PCDHGA3: variants seen among roughly 807,000 people sequenced by gnomAD.
PCDHGA3 encodes the protein protocadherin gamma subfamily A, 3.
PCDHGA3 carries 40 observed loss-of-function variants against 58.5 expected under a neutral mutation model. The ratio of observed to expected loss-of-function variants is 0.68; its 90% CI spans 0.53 to 0.89. The LOEUF (loss-of-function observed/expected upper bound fraction) is 0.89. Ranked by LOEUF, PCDHGA3 falls within the 40% of genes least tolerant of loss-of-function variation. The pLI is 0.00. For synonymous variants in PCDHGA3, 530 were observed against 525.7 expected, an observed-to-expected ratio of 1.01 and a Z score of -0.11; for missense variants, 1,223 against 1,195.9, an observed-to-expected ratio of 1.02 and a Z score of -0.33.
rs1374094845 is a variant in PCDHGA3, at chr5:141,476,576, T to A, written c.2425-18231T>A. On this transcript the variant is annotated intron_variant, in intron 1 of 3. Coordinates refer to ENST00000253812, the MANE Select transcript of PCDHGA3 (RefSeq NM_018916.4). The surrounding 1 kb of genome is among the most constrained non-coding windows in gnomAD (Gnocchi z 7.6). Reference sequence around the variant, plus strand: ...CGAGGCCGTGGCTCCGGGGACGCGCTTTCCGCTCGAGAGCGCGCACGATCC... The same window carrying A: ...CGAGGCCGTGGCTCCGGGGACGCGCATTCCGCTCGAGAGCGCGCACGATCC... 3 of 1,614,102 alleles carry A rather than the reference T, an allele frequency of 1.9e-6. No individual in the cohort carries two copies. Among genetic ancestry groups the A allele is most frequent in the Middle Eastern group, 1.6e-4 (1 of 6,084 alleles).
At chr5:141,400,385 C>G (rs903146096) in intron 1 of PCDHGA3, 1 of 1,614,074 alleles carries the variant, frequency 6.2e-7, no homozygotes, top group Admixed American at 1.7e-5. Flanking sequence ...CTATGTGTTG[C>G]ACATACAGGA....
At chr5:141,433,926 A>T (rs2154556019) in intron 1 of PCDHGA3, among the ~76,000 whole-genome samples, 1 of 151,830 alleles carries the variant, frequency 6.6e-6, no homozygotes, top group African/African-American at 2.4e-5. Context: ...CCAAATGAAG[A>T]TTTTATAATT....
chr5:141,407,425 CTT>C (rs1307911949), intron 1 of PCDHGA3, among the ~76,000 whole-genome samples: 3 of 151,864 alleles, frequency 2.0e-5, no homozygotes, highest in African/African-American at 4.8e-5. Context: ...AAAAATGTCT[CTT>C]GCCCTTAAAA....
intron 1 of PCDHGA3, chr5:141,394,551 C>T: frequency 6.2e-7 from 1 of 1,614,138 alleles, no homozygotes; most frequent in Non-Finnish European, 8.5e-7. Context: ...GCTGGCGCCC[C>T]GCTCCGCAGA....
At chr5:141,450,642 A>C (rs2098688710) in intron 1 of PCDHGA3, among the ~76,000 whole-genome samples, 1 of 151,504 alleles carries the variant, frequency 6.6e-6, no homozygotes, top group Non-Finnish European at 1.5e-5. Context: ...GCCTGCCACC[A>C]TGCCTGGCTA....
intron 1 of PCDHGA3, chr5:141,356,943 C>G: frequency 1.2e-6 from 2 of 1,614,240 alleles, no homozygotes; most frequent in African/African-American, 1.3e-5. Flanking sequence ...CACCCCGCTC[C>G]GCAGATTCCG....
At position 141,476,090 on chromosome 5, in the gene PCDHGA3, C is replaced by T; in HGVS notation, c.2425-18717C>T. On this transcript the variant is annotated intron_variant, in intron 1 of 3. Coordinates refer to ENST00000253812, the MANE Select transcript of PCDHGA3 (RefSeq NM_018916.4). The surrounding 1 kb of genome is among the most constrained non-coding windows in gnomAD (Gnocchi z 7.6). ...GAAATCTCAGGGACGATCTGGACCC[C>T]GCTGAGAGGAACTGCTTTTGAGTGA... 3 of 1,562,222 alleles carry T rather than the reference C, an allele frequency of 1.9e-6. No individual in the cohort carries two copies. Among genetic ancestry groups the T allele is most frequent in the African/African-American group, 1.4e-5 (1 of 73,764 alleles).
intron 1 of PCDHGA3, chr5:141,350,972 G>A (rs956940005): frequency 6.2e-7 from 1 of 1,614,038 alleles, no homozygotes; most frequent in South Asian, 1.1e-5. Flanking sequence ...TAATGCTCCC[G>A]TGTTTAGCCA....
intron 2 of PCDHGA3, among the ~76,000 whole-genome samples, chr5:141,499,146 C>T (rs1415999012): frequency 1.3e-5 from 2 of 152,132 alleles, no homozygotes; most frequent in African/African-American, 4.8e-5. Flanking sequence ...GTGTCTGATC[C>T]CAATAGCTGT....
chr5:141,509,979 T>C (rs908103989), intron 3 of PCDHGA3, among the ~76,000 whole-genome samples: 4 of 152,204 alleles, frequency 2.6e-5, no homozygotes, highest in African/African-American at 7.2e-5. Context: ...CTTCTAACAC[T>C]TGGTTCCCTC....
intron 1 of PCDHGA3, among the ~76,000 whole-genome samples, chr5:141,456,955 T>A (rs1352654794): frequency 2.6e-5 from 4 of 151,974 alleles, no homozygotes; most frequent in African/African-American, 7.3e-5. Flanking sequence ...AGAGCAAAAC[T>A]CCATCTCAAA....
chr5:141,357,407 C>T lies in PCDHGA3; in HGVS notation c.2424+10950C>T, dbSNP rs752595373. 1.5e-5 allele frequency: 25 copies of T among 1,614,128 alleles called. No individual in the cohort carries two copies. The East Asian group carries it at 4.7e-4, about 30-fold the overall frequency. ...GAAGGCAGCAGGTTGGCAGGTGTGC[C>T]TGCCTCGCACTTTGTGGGCGTGGAC... On this transcript the variant is annotated intron_variant, in intron 1 of 3. Transcript: ENST00000253812.
At chr5:141,510,900 G>A in intron 3 of PCDHGA3, 47 bp from the exon 4 acceptor site, 6 of 1,613,378 alleles carry the variant, frequency 3.7e-6, no homozygotes, top group Non-Finnish European at 5.1e-6. Context: ...AGTGACTGTT[G>A]AGGACCCTAA....
chr5:141,372,626 C>A lies in PCDHGA3; in HGVS notation c.2424+26169C>A, dbSNP rs1385028650. Reference sequence around the variant, plus strand: ...TACCTGGAGTTCTCCCCACCTACAGCGAAAGGACTTTGCCTTATTCCTACA... The same window carrying A: ...TACCTGGAGTTCTCCCCACCTACAGAGAAAGGACTTTGCCTTATTCCTACA... On this transcript the variant is annotated intron_variant, in intron 1 of 3. Coordinates refer to ENST00000253812, the MANE Select transcript of PCDHGA3 (RefSeq NM_018916.4). 5 of 1,613,792 alleles carry A rather than the reference C, an allele frequency of 3.1e-6. No individual in the cohort carries two copies. The African/African-American group carries it at 6.7e-5, about 22-fold the overall frequency.
At chr5:141,421,229 T>C (rs776952658) in intron 1 of PCDHGA3, 3 of 1,589,662 alleles carry the variant, frequency 1.9e-6, no homozygotes, top group South Asian at 1.1e-5. Flanking sequence ...GAGCCTGCCA[T>C]GGCGAATCGG....
intron 1 of PCDHGA3, chr5:141,422,694 T>C: frequency 6.2e-7 from 1 of 1,603,912 alleles, no homozygotes; most frequent in Non-Finnish European, 8.5e-7. Context: ...CCCTGGTCAC[T>C]TACTCTCTGA....
At chr5:141,453,083 A>G (rs1404530649) in intron 1 of PCDHGA3, among the ~76,000 whole-genome samples, 1 of 152,044 alleles carries the variant, frequency 6.6e-6, no homozygotes, top group African/African-American at 2.4e-5. Flanking sequence ...CTGGTTGATT[A>G]GTATATTTTC....
chr5:141,486,707 C>A lies in PCDHGA3; in HGVS notation c.2425-8100C>A, dbSNP rs1314530265. On this transcript the variant is annotated intron_variant, in intron 1 of 3. Coordinates refer to ENST00000253812, the MANE Select transcript of PCDHGA3 (RefSeq NM_018916.4). The surrounding 1 kb of genome is among the most constrained non-coding windows in gnomAD (Gnocchi z 5.0). ...AGCTTCCTCTTTCATCTCTCTGAAC[C>A]CCCAGACAGGAGCTGTTCATGCTAC... 2 of 1,614,040 alleles carry A rather than the reference C, an allele frequency of 1.2e-6. No individual in the cohort carries two copies. The highest frequency in any genetic ancestry group is 1.7e-6 in the Non-Finnish European group (2 of 1,180,038).
rs2097438776 is a variant in PCDHGA3 at position 141,432,018 on chromosome 5, T to C, written c.2425-62789T>C. Reference sequence around the variant, plus strand: ...AGGGAACAGGTTCCTAGCTACAACATCACAGTGACCGCCACTGACCGGGGA... The same window carrying C: ...AGGGAACAGGTTCCTAGCTACAACACCACAGTGACCGCCACTGACCGGGGA... On this transcript the variant is annotated intron_variant, in intron 1 of 3. Transcript: ENST00000253812. This position sits in a 1 kb window ranked among gnomAD's most constrained non-coding sequence, Gnocchi z 6.0. 1.9e-6 allele frequency: 3 copies of C among 1,614,048 alleles called. No homozygotes were observed. In the South Asian group the frequency reaches 3.3e-5, roughly 18 times the overall value.
Sources: allele counts gnomAD v4.1 joint callset (sites outside exome capture counted in the v4.1 genomes callset), GRCh38; gene constraint gnomAD v4.1.1; non-coding constraint Gnocchi (gnomAD v3.1); transcripts MANE v1.5; gene names NCBI Gene and HGNC (gene_info 2026-07-23, HGNC 2026-07-21).